Variants in ZNF652 observed in about 807,000 individuals in gnomAD.
ZNF652 encodes zinc finger protein 652.
A neutral mutation model predicts 45.2 loss-of-function variants in ZNF652; 16 were observed. The ratio of observed to expected loss-of-function variants is 0.35; its 90% confidence interval spans 0.24 to 0.54. ZNF652 has a LOEUF of 0.54. Among genes scored for constraint, ZNF652 ranks in the 20% least tolerant of loss-of-function variants. The pLI is 0.91. For synonymous variants in ZNF652, 250 were observed against 260.6 expected, an observed-to-expected ratio of 0.96 and a Z score of 0.39; for missense variants, 614 against 765.6, an observed-to-expected ratio of 0.80 and a Z score of 2.34.
At chr17:49,313,678 A>C (rs766645380) in intron 2 of ZNF652, among the ~76,000 whole-genome samples, 2 of 152,234 alleles carry the variant, frequency 1.3e-5, no homozygotes, top group Non-Finnish European at 2.9e-5. Flanking sequence ...TATGCCTTAG[A>C]AAATGCATTT....
chr17:49,288,415 C>T (rs1448671879), downstream of ZNF652: 1 of 152,056 alleles, frequency 6.6e-6, no homozygotes, highest in East Asian at 1.9e-4. Flanking sequence ...GATTTCCTTC[C>T]TATACACCCA....
intron 5 of ZNF652, among the ~76,000 whole-genome samples, chr17:49,306,587 G>A (rs866603629): frequency 2.0e-5 from 3 of 152,118 alleles, no homozygotes; most frequent in Middle Eastern, 3.4e-3. Flanking sequence ...GCACCTGGTC[G>A]CAAATAAGTA....
At chr17:49,359,387 G>A (rs7210100) in intron 1 of ZNF652, among the ~76,000 whole-genome samples, 2,482 of 152,234 alleles carry the variant, frequency 0.016, 59 homozygotes, top group African/African-American at 0.057. Flanking sequence ...CTATTCTTCA[G>A]GTGTATGGAA....
rs200069600 is a variant in ZNF652, at chr17:49,292,214, CTT to C, written c.*6197_*6198del. On this transcript the variant is annotated 3_prime_UTR_variant, in exon 6 of 6. Coordinates refer to ENST00000430262, the MANE Select transcript of ZNF652 (RefSeq NM_001145365.3). ...TCAAATCTCCTCATTTGAAAGAGTTCTTTTTTTTTTTCCTTTTTCTCCAGTTT... is the reference window on the plus strand; with the variant it reads ...TCAAATCTCCTCATTTGAAAGAGTTCTTTTTTTTTCCTTTTTCTCCAGTTT... 6.8e-6 allele frequency among the ~76,000 whole-genome samples: 1 copy of C among 146,796 alleles called. No individual in the cohort carries two copies.
At chr17:49,321,354 C>G (rs2069889063) in intron 1 of ZNF652, among the ~76,000 whole-genome samples, 1 of 151,704 alleles carries the variant, frequency 6.6e-6, no homozygotes, top group African/African-American at 2.4e-5. Flanking sequence ...ACCTCTGCCT[C>G]CCGGGTTCAA....
intron 1 of ZNF652, among the ~76,000 whole-genome samples, chr17:49,348,480 AAAAGAAAAG>A: frequency 2.6e-4 from 2 of 7,746 alleles, no homozygotes; most frequent in East Asian, 2.5e-3. Context: ...CTTGCCTCAA[AAAAGAAAAG>A]AAAAGAAAAG....
At chr17:49,361,108 C>T (rs1344464440) in intron 1 of ZNF652, 1 of 152,268 alleles carries the variant, frequency 6.6e-6, no homozygotes, top group African/African-American at 2.4e-5. Flanking sequence ...GCTCGGCAAT[C>T]AGGAAGTGAG....
intron 1 of ZNF652, among the ~76,000 whole-genome samples, chr17:49,328,738 G>T (rs945127833): frequency 6.6e-6 from 1 of 152,168 alleles, no homozygotes; most frequent in Admixed American, 6.5e-5. Context: ...TGTACAGCCT[G>T]CAGAACCACA....
intron 1 of ZNF652, among the ~76,000 whole-genome samples, chr17:49,360,056 G>A (rs966595288): frequency 1.3e-5 from 2 of 152,130 alleles, no homozygotes; most frequent in African/African-American, 4.8e-5. Flanking sequence ...AATTGGTCAA[G>A]TCTAAACAAA....
In ZNF652 at chr17:49,341,215, CAAAAAGAAAAGAA is replaced by C. The variant is rs1328205825; in HGVS notation, c.-259+20681_-259+20693del. ...ACTGGGTGACAGAGCGAGACTGTCT[CAAAAAGAAAAGAA>C]AAGAAGAAAAGAAAAGAAAAACTAT... On this transcript the variant is annotated intron_variant, in intron 1 of 5. Coordinates refer to ENST00000430262, the MANE Select transcript of ZNF652 (RefSeq NM_001145365.3). Among the ~76,000 whole-genome samples the C allele has an allele frequency of 2.7e-5, 4 of 149,618 alleles. No individual in the cohort carries two copies. The East Asian group carries it at 5.9e-4, about 22-fold the overall frequency.
chr17:49,310,430 T>C lies in ZNF652; in HGVS notation c.1309+882A>G, dbSNP rs142191144. Among the ~76,000 whole-genome samples the C allele has an allele frequency of 4.9e-4, 74 of 152,370 alleles. No individual in the cohort carries two copies. The East Asian group carries it at 0.014, about 29-fold the overall frequency. ...AATGATAGTGTTTATGGGGGAGCTATTATTTTAGCCAGTTCCCTGGAAGCA... is the reference window on the plus strand; with the variant it reads ...AATGATAGTGTTTATGGGGGAGCTACTATTTTAGCCAGTTCCCTGGAAGCA... On this transcript the variant is annotated intron_variant, in intron 5 of 5. Transcript: ENST00000430262.
At chr17:49,332,727 T>G (rs1223700127) in intron 1 of ZNF652, among the ~76,000 whole-genome samples, 2 of 152,190 alleles carry the variant, frequency 1.3e-5, no homozygotes, top group Non-Finnish European at 2.9e-5. Flanking sequence ...ATGATCCTCC[T>G]GCCTTGGACT....
At chr17:49,360,303 CA>C (rs2070379221) in intron 1 of ZNF652, among the ~76,000 whole-genome samples, 1 of 152,170 alleles carries the variant, frequency 6.6e-6, no homozygotes, top group Non-Finnish European at 1.5e-5. Context: ...AAGTTCCTTT[CA>C]CTTTTGCATA....
At chr17:49,311,150 T>G (rs1285744663) in intron 5 of ZNF652, among the ~76,000 whole-genome samples, 162 bp downstream of exon 5, 2 of 152,240 alleles carry the variant, frequency 1.3e-5, no homozygotes, top group Non-Finnish European at 2.9e-5. Context: ...GTTAAATTTT[T>G]CAGTATCACT....
In ZNF652 at chr17:49,350,970, CATATATATATATATAT is replaced by C. The variant is rs372720324; in HGVS notation, c.-259+10923_-259+10938del. Among the ~76,000 whole-genome samples the C allele has an allele frequency of 3.8e-3, 161 of 42,278 alleles. 3 individuals are homozygous for C. The highest frequency in any genetic ancestry group is 0.017 in the Middle Eastern group (2 of 118). 27.7% of individuals were successfully genotyped at this position (42,278 alleles called of 152,430 possible). On this transcript the variant is annotated intron_variant, in intron 1 of 5. Transcript: ENST00000430262. The stretch of plus-strand genomic sequence containing the variant: ...GGGTGACAGAGCAAGACTCTGTCTA[CATATATATATATATAT>C]ATATATATATATATATATATATATA...
chr17:49,356,563 G>A (rs762327435), intron 1 of ZNF652, among the ~76,000 whole-genome samples: 12 of 150,960 alleles, frequency 7.9e-5, no homozygotes, highest in Non-Finnish European at 1.3e-4. Context: ...AGTCATTCTC[G>A]GCTCACATAG....
rs2069461719 is a variant in ZNF652, at chr17:49,295,553, G to A, written c.*2860C>T. On this transcript the variant is annotated 3_prime_UTR_variant, in exon 6 of 6. Coordinates refer to ENST00000430262, the MANE Select transcript of ZNF652 (RefSeq NM_001145365.3). ...AAGATGACTACCTGAATATTCCAGT[G>A]TATAATTACAGTACAACCTCATGAA... is the stretch of plus-strand genomic sequence containing the variant. 1 of 152,464 alleles carries A rather than the reference G, an allele frequency of 6.6e-6. No homozygotes were observed. Among genetic ancestry groups the A allele is most frequent in the East Asian group, 1.9e-4 (1 of 5,190 alleles). 9.4% of individuals were successfully genotyped at this position (152,464 alleles called of 1,614,324 possible).
At chr17:49,314,123 C>A (rs558225962) in intron 2 of ZNF652, among the ~76,000 whole-genome samples, 9 of 151,528 alleles carry the variant, frequency 5.9e-5, no homozygotes, top group Admixed American at 2.0e-4. Context: ...GCAGAATATA[C>A]CCTCTGAACT....
At chr17:49,357,642 C>CT (rs1311812318) in intron 1 of ZNF652, among the ~76,000 whole-genome samples, 2 of 152,228 alleles carry the variant, frequency 1.3e-5, no homozygotes, top group African/African-American at 4.8e-5. Context: ...CTACAAAGCA[C>CT]TTTATGGCTT....
Sources: gnomAD v4.1 joint callset for allele counts (sites outside exome capture counted in the v4.1 genomes callset) on GRCh38, gnomAD v4.1.1 for gene constraint, MANE v1.5 for transcripts, NCBI Gene and HGNC (gene_info 2026-07-23, HGNC 2026-07-21) for gene names.